Variants in NNT observed in about 807,000 individuals in gnomAD.
NNT encodes the protein nicotinamide nucleotide transhydrogenase.
Under a neutral mutation model 104.8 loss-of-function variants are expected in NNT, and 50 were observed. The observed-to-expected ratio is 0.48, with a 90% confidence interval of 0.38 to 0.60. The LOEUF (loss-of-function observed/expected upper bound fraction) is 0.60, where lower values mean the gene tolerates loss of function less well. Ranked by LOEUF, NNT falls within the 20% of genes least tolerant of loss-of-function variation. The pLI is 0.00. For missense variants in NNT, 1,131 were observed against 1,330.7 expected, an observed-to-expected ratio of 0.85 and a Z score of 2.33; for synonymous variants, 461 against 490.4, an observed-to-expected ratio of 0.94 and a Z score of 0.79.
chr5:43,616,969 A>T (rs758712438), intron 4 of NNT, among the ~76,000 whole-genome samples: 1 of 152,244 alleles, frequency 6.6e-6, no homozygotes, highest in Non-Finnish European at 1.5e-5. Context: ...GCATAAAAAG[A>T]CACTAACATG....
chr5:43,606,086 CA>C (rs1366737458), intron 1 of NNT, among the ~76,000 whole-genome samples: 1 of 152,064 alleles, frequency 6.6e-6, no homozygotes, highest in Non-Finnish European at 1.5e-5. Flanking sequence ...CTAACTGAGG[CA>C]GGGGGAGGTT....
chr5:43,654,756 G>T (rs2111924198), intron 14 of NNT, among the ~76,000 whole-genome samples: 1 of 152,310 alleles, frequency 6.6e-6, no homozygotes, highest in South Asian at 2.1e-4. Context: ...TCATGTATTT[G>T]TATGTGCATG....
rs763847936 is a variant in NNT at position 43,704,311 on chromosome 5, C to T, written c.3168C>T (p.Ile1056=). ...GVGYAAVDNP[I]FYKPNTAMLL... ...GCTATGCTGCAGTGGACAATCCAAT[C>T]TTCTACAAACCTAACACGGCCATGC... Residue 1056 remains isoleucine, a synonymous_variant, in exon 22 of 22, where the codon ATC becomes ATT. Coordinates refer to ENST00000344920, the MANE Select transcript of NNT (RefSeq NM_182977.3). 45 of 1,610,258 alleles carry T rather than the reference C, an allele frequency of 2.8e-5. No individual in the cohort carries two copies. The highest frequency in any genetic ancestry group is 5.4e-5 in the African/African-American group (4 of 74,552).
chr5:43,645,261 TA>T, intron 9 of NNT, 95 bp from the exon 10 acceptor site: 1 of 629,200 alleles, frequency 1.6e-6, no homozygotes, highest in Non-Finnish European at 2.4e-6. Flanking sequence ...AAATTATATT[TA>T]AAAGAACAGG....
chr5:43,666,045 C>G (rs561444094), intron 17 of NNT, among the ~76,000 whole-genome samples: 1 of 152,090 alleles, frequency 6.6e-6, no homozygotes, highest in East Asian at 2.0e-4. Flanking sequence ...GGCGGCCGGG[C>G]AGAGACGCTC....
At chr5:43,648,124 ACTCT>A in intron 10 of NNT, 1 of 1,189,656 alleles carries the variant, frequency 8.4e-7, no homozygotes, top group Non-Finnish European at 1.1e-6. Flanking sequence ...GTTGTATCTA[ACTCT>A]CTCACCAGAT....
chr5:43,665,540 C>A (rs1020086610), intron 17 of NNT, among the ~76,000 whole-genome samples: 5 of 152,154 alleles, frequency 3.3e-5, no homozygotes, highest in Non-Finnish European at 5.9e-5. Flanking sequence ...TCAGAAAGCA[C>A]CGGGTTGGGG....
intron 16 of NNT, among the ~76,000 whole-genome samples, chr5:43,657,798 A>G (rs1740135888): frequency 6.6e-6 from 1 of 152,184 alleles, no homozygotes; most frequent in African/African-American, 2.4e-5. Flanking sequence ...GATATTTTTA[A>G]TCTAATAAAG....
chr5:43,660,259 G>T (rs1157479621), intron 17 of NNT, among the ~76,000 whole-genome samples: 2 of 152,242 alleles, frequency 1.3e-5, no homozygotes, highest in East Asian at 3.9e-4. Flanking sequence ...CACTCCTGTT[G>T]GTCATCTGTG....
Position 43,675,551 on chromosome 5 carries a change from A to C in NNT, c.2675A>C (p.Tyr892Ser). 1 of 1,613,358 alleles carries C rather than the reference A, an allele frequency of 6.2e-7. No individual in the cohort carries two copies. The highest frequency in any genetic ancestry group is 8.5e-7 in the Non-Finnish European group (1 of 1,179,800). ...RSLANVILGG[Y>S]GTTSTAGGKP... ...CTGGCTAATGTGATTCTTGGAGGCT[A>C]TGGCACCACTTCAACAGCTGGTGGA... The change falls in exon 18 of 22, where the codon TAT becomes TCT. Residue 892 changes from tyrosine (Y) to serine (S), a missense_variant. By Grantham distance (144) the Tyr-to-Ser change is moderately radical. Coordinates refer to ENST00000344920, the MANE Select transcript of NNT (RefSeq NM_182977.3).
chr5:43,673,112 T>A (rs1561311742), intron 17 of NNT, among the ~76,000 whole-genome samples: 1 of 152,102 alleles, frequency 6.6e-6, no homozygotes, highest in Non-Finnish European at 1.5e-5. Flanking sequence ...GGTGTGCCAT[T>A]TGCTAAGACC....
intron 17 of NNT, among the ~76,000 whole-genome samples, chr5:43,672,256 G>T (rs1404410891): frequency 2.0e-5 from 3 of 152,176 alleles, no homozygotes; most frequent in African/African-American, 7.2e-5. Context: ...GGAGAAGTTG[G>T]ATCGTCTGAA....
intron 15 of NNT, among the ~76,000 whole-genome samples, chr5:43,656,384 G>T (rs982572768): frequency 5.3e-5 from 8 of 152,188 alleles, no homozygotes; most frequent in Non-Finnish European, 1.2e-4. Context: ...GAAATTGTAA[G>T]AGTTTTTTTC....
intron 19 of NNT, 138 bp downstream of exon 19, chr5:43,677,944 T>C: frequency 1.6e-6 from 1 of 630,410 alleles, no homozygotes; most frequent in South Asian, 2.2e-5. Context: ...TATATAACTT[T>C]TGACTCTCCA....
chr5:43,642,924 A>G (rs545973099), intron 7 of NNT, among the ~76,000 whole-genome samples: 71 of 152,272 alleles, frequency 4.7e-4, no homozygotes, highest in African/African-American at 1.6e-3. Context: ...CTTTTTATAA[A>G]AAATATGTAT....
rs763562923 is a variant in NNT at position 43,644,279 on chromosome 5, G to T, written c.1052G>T (p.Gly351Val). The stretch of plus-strand genomic sequence containing the variant: ...GTTGTGGATTTAGCTGCTGAGGCTG[G>T]TGGAAACTTTGAAACCACTAAGCCA... ...SVVVDLAAEA[G>V]GNFETTKPGE... Residue 351 changes from glycine (G) to valine (V), a missense_variant, in exon 8 of 22, where the codon GGT becomes GTT. By Grantham distance (109) the Gly-to-Val change is moderately radical (BLOSUM62 -3). Coordinates refer to ENST00000344920, the MANE Select transcript of NNT (RefSeq NM_182977.3). The T allele has an allele frequency of 1.9e-6, 3 of 1,613,922 alleles. No individual in the cohort carries two copies. In the Admixed American group the frequency reaches 5.0e-5, roughly 27 times the overall value.
Position 43,649,431 on chromosome 5 carries a change from T to G in NNT, c.1606+123T>G, listed in dbSNP as rs922166845. ...TGTTTTGCTTGGCATCTGAGTCATCTGCTTTGGTGATCTAAGGGCTCCCAG... is the reference window on the plus strand; with the variant it reads ...TGTTTTGCTTGGCATCTGAGTCATCGGCTTTGGTGATCTAAGGGCTCCCAG... On this transcript the variant is annotated intron_variant, in intron 11 of 21. Transcript: ENST00000344920. The G allele has an allele frequency of 2.6e-6, 3 of 1,139,672 alleles. No individual in the cohort carries two copies. In the African/African-American group the frequency reaches 4.6e-5, roughly 18 times the overall value. The allele number at this position is 1,139,672 out of a possible 1,614,324, so 70.6% of individuals were successfully genotyped here.
Position 43,615,838 on chromosome 5 carries a change from T to A in NNT, c.382-10T>A. The A allele has an allele frequency of 6.3e-7, 1 of 1,580,062 alleles. No individual in the cohort carries two copies. The highest frequency in any genetic ancestry group is 8.6e-7 in the Non-Finnish European group (1 of 1,166,442). ...TATATTTATAATCTGTGACTTGATT[T>A]TTTCCCCAGGTGCGAGCCCCTATGG... On this transcript the variant is annotated splice_polypyrimidine_tract_variant and intron_variant, in intron 3 of 21. Transcript: ENST00000344920.
At chr5:43,634,644 G>A (rs1044214090) in intron 7 of NNT, among the ~76,000 whole-genome samples, 1 of 151,956 alleles carries the variant, frequency 6.6e-6, no homozygotes, top group Non-Finnish European at 1.5e-5. Flanking sequence ...CATTTGTTTT[G>A]AGGATATTGA....
Sources: gnomAD v4.1 joint callset for allele counts (sites outside exome capture counted in the v4.1 genomes callset) on GRCh38, gnomAD v4.1.1 for gene constraint, MANE v1.5 for transcripts, NCBI Gene and HGNC (gene_info 2026-07-23, HGNC 2026-07-21) for gene names.